The following UBE3B variants were observed in gnomAD, a reference collection of about 807,000 sequenced individuals.
UBE3B encodes the protein ubiquitin-protein ligase E3B.
In UBE3B, 80 loss-of-function variants were observed where a neutral mutation model predicts 132.3. That is an observed-to-expected ratio of 0.60 (90% CI 0.50 to 0.73). The LOEUF is 0.73. Among genes scored for constraint, UBE3B ranks in the 30% least tolerant of loss-of-function variants. The pLI is 0.00. For missense variants in UBE3B, 1,196 were observed against 1,362.5 expected, an observed-to-expected ratio of 0.88 and a Z score of 1.92; for synonymous variants, 487 against 520.4, an observed-to-expected ratio of 0.94 and a Z score of 0.87.
At chr12:109,545,057 CCTCA>C in the UBE3B span, among the ~76,000 whole-genome samples, 52,671 of 151,722 alleles carry the variant, frequency 0.35, 9,413 homozygotes, top group Middle Eastern at 0.41. Flanking sequence ...AGGAAGGTGA[CCTCA>C]CTCACTCACT....
chr12:109,530,184 C>T (rs1316376113), intron 25 of UBE3B, 112 bp downstream of exon 25: 5 of 1,250,882 alleles, frequency 4.0e-6, no homozygotes, highest in Admixed American at 2.1e-5. Flanking sequence ...TCCAGATCTC[C>T]TTCTCCTCCC....
In UBE3B at chr12:109,510,310, C is replaced by T. The variant is rs191861033; in HGVS notation, c.1742-34C>T. On this transcript the variant is annotated intron_variant, in intron 16 of 27. Transcript: ENST00000342494. Reference sequence around the variant, plus strand: ...CTCCCCTTGCTCTCTGGCTCTGACTCCTCCTCTGACTTTCCTGTTTGTTTG... The same window carrying T: ...CTCCCCTTGCTCTCTGGCTCTGACTTCTCCTCTGACTTTCCTGTTTGTTTG... 1.0e-3 allele frequency: 1,598 copies of T among 1,544,560 alleles called. 28 individuals carry two copies. In the Admixed American group the frequency reaches 0.029, roughly 28 times the overall value.
intron 14 of UBE3B, 127 bp downstream of exon 14, chr12:109,503,317 G>T: frequency 7.8e-7 from 1 of 1,274,102 alleles, no homozygotes; most frequent in Non-Finnish European, 1.1e-6. Flanking sequence ...GCATTTTTGA[G>T]CTGTTCCTCT....
Position 109,521,444 on chromosome 12 carries a change from A to G in UBE3B, c.2257A>G (p.Thr753Ala), listed in dbSNP as rs758799716. ...TCCCCGTCTTTTTGCCTTGCAGACA[A>G]CCAGTGGGGATGAGAGGCTGTACCC... ...FDPALNLFKT[T>A]SGDERLYPSP... Residue 753 changes from threonine to alanine, a missense_variant, in exon 21 of 28, where the codon ACC becomes GCC. Physicochemically the swap from Thr to Ala is moderately conservative, Grantham distance 58. Coordinates refer to ENST00000342494, the MANE Select transcript of UBE3B (RefSeq NM_130466.4). This position sits in a 1 kb window ranked among gnomAD's most constrained non-coding sequence, Gnocchi z 4.2. The G allele has an allele frequency of 1.0e-5, 16 of 1,580,670 alleles. No individual in the cohort carries two copies. The highest frequency in any genetic ancestry group is 1.3e-5 in the Non-Finnish European group (15 of 1,157,416).
In UBE3B at chr12:109,530,074, T is replaced by A; in HGVS notation, c.2810+2T>A. The stretch of plus-strand genomic sequence containing the variant: ...TGAGATTGATCTGGAAGATTTAAAG[T>A]AAGAGGCGGGTGGGGGGAAGGGTGA... On this transcript the variant is annotated splice_donor_variant, in intron 25 of 27. Coordinates refer to ENST00000342494, the MANE Select transcript of UBE3B (RefSeq NM_130466.4). LOFTEE classifies it high-confidence loss of function. 1.2e-6 allele frequency: 2 copies of A among 1,610,464 alleles called. No homozygotes were observed. The highest frequency in any genetic ancestry group is 1.7e-6 in the Non-Finnish European group (2 of 1,177,340).
chr12:109,504,950 C>T (rs925703155), intron 14 of UBE3B, among the ~76,000 whole-genome samples: 4 of 151,728 alleles, frequency 2.6e-5, no homozygotes, highest in Admixed American at 1.3e-4. Context: ...GGATTACAGG[C>T]GCCTGCCACC....
chr12:109,487,671 C>T (rs574782044), intron 6 of UBE3B, among the ~76,000 whole-genome samples: 4 of 152,318 alleles, frequency 2.6e-5, no homozygotes, highest in Admixed American at 1.3e-4. Flanking sequence ...CAACAGATTG[C>T]TCTTTGAGGA....
intron 14 of UBE3B, among the ~76,000 whole-genome samples, chr12:109,506,971 G>A (rs1489824405): frequency 1.3e-5 from 2 of 152,208 alleles, no homozygotes; most frequent in Non-Finnish European, 2.9e-5. Context: ...CCTCACTTCA[G>A]TTTTGCCCCT....
intron 5 of UBE3B, 35 bp from the exon 6 acceptor site, chr12:109,486,436 A>G: frequency 1.3e-6 from 2 of 1,523,036 alleles, no homozygotes; most frequent in South Asian, 1.2e-5. Context: ...GATCTCTATA[A>G]CAGCCCATGA....
At chr12:109,489,394 G>A (rs1221797783) in intron 7 of UBE3B, among the ~76,000 whole-genome samples, 1 of 152,178 alleles carries the variant, frequency 6.6e-6, no homozygotes, top group Non-Finnish European at 1.5e-5. Flanking sequence ...TGTGAGCTGA[G>A]AGCTGCAGAG....
At chr12:109,540,638 T>C (rs1233300740), downstream of UBE3B, among the ~76,000 whole-genome samples, 2 of 152,188 alleles carry the variant, frequency 1.3e-5, no homozygotes, top group African/African-American at 4.8e-5. Flanking sequence ...CATGGATGTT[T>C]AAAAAACTCA....
At chr12:109,532,542 G>A (rs1474943478) in intron 26 of UBE3B, among the ~76,000 whole-genome samples, 1 of 152,208 alleles carries the variant, frequency 6.6e-6, no homozygotes, top group Non-Finnish European at 1.5e-5. Flanking sequence ...GTATCCCCTA[G>A]AGAAGGGAGA....
chr12:109,501,663 G>A, intron 13 of UBE3B, 129 bp downstream of exon 13: 2 of 1,169,920 alleles, frequency 1.7e-6, no homozygotes, highest in Non-Finnish European at 1.2e-6. Context: ...TATCGTTCTT[G>A]TTGTTAGAGA....
chr12:109,502,580 C>T (rs2135933770), intron 13 of UBE3B, among the ~76,000 whole-genome samples: 1 of 152,276 alleles, frequency 6.6e-6, no homozygotes, highest in East Asian at 1.9e-4. Flanking sequence ...AGGTTGAAAA[C>T]AAAGGTAGAA....
intron 1 of UBE3B, among the ~76,000 whole-genome samples, chr12:109,480,970 C>T (rs565296787): frequency 1.3e-5 from 2 of 152,158 alleles, no homozygotes; most frequent in South Asian, 4.1e-4. Flanking sequence ...AAGGCATAAA[C>T]GTTTTTCCAT....
chr12:109,486,123 A>G lies in UBE3B; in HGVS notation c.342+52A>G, dbSNP rs186359731. On this transcript the variant is annotated intron_variant, in intron 5 of 27. Transcript: ENST00000342494. ...CCCACAAGCTCTTAAGGGCCAACCTACTGGGCTCTGAAAGTTCCTGTTGAA... is the reference window on the plus strand; with the variant it reads ...CCCACAAGCTCTTAAGGGCCAACCTGCTGGGCTCTGAAAGTTCCTGTTGAA... 94 of 1,534,304 alleles carry G rather than the reference A, an allele frequency of 6.1e-5. No individual in the cohort carries two copies. In the South Asian group the frequency reaches 1.0e-3, roughly 17 times the overall value.
Position 109,516,774 on chromosome 12 carries a change from C to A in UBE3B, c.1966C>A (p.Leu656Met). 1 of 1,614,020 alleles carries A rather than the reference C, an allele frequency of 6.2e-7. No homozygotes were observed. Among genetic ancestry groups the A allele is most frequent in the Non-Finnish European group, 8.5e-7 (1 of 1,179,952 alleles). The change falls in exon 19 of 28, where the codon CTG (leucine) becomes ATG (methionine). Residue 656 changes from leucine to methionine, a missense_variant. Leu to Met is a conservative substitution (Grantham distance 15). Transcript: ENST00000342494. ...CCTTTGTTCATTTTAGAGAGTTCTA[C>A]TGTTTCGAACCATGGTTACCAAGGA... ...HVIPHKNRVL[L>M]FRTMVTKEKE...
chr12:109,524,264 G>A, intron 22 of UBE3B, 149 bp downstream of exon 22: 1 of 1,374,676 alleles, frequency 7.3e-7, no homozygotes, highest in Non-Finnish European at 1.0e-6. Context: ...AGTCCCACTT[G>A]GGGCTGATCC....
At chr12:109,518,538 C>A (rs940710496) in intron 19 of UBE3B, among the ~76,000 whole-genome samples, 5 of 152,190 alleles carry the variant, frequency 3.3e-5, no homozygotes, top group African/African-American at 1.2e-4. Flanking sequence ...TCTAGCACTT[C>A]CCTCTGCAGA....
Sources: gnomAD v4.1 joint callset for allele counts (sites outside exome capture counted in the v4.1 genomes callset) on GRCh38, gnomAD v4.1.1 for gene constraint, Gnocchi (gnomAD v3.1) non-coding constraint, MANE v1.5 for transcripts, NCBI Gene and HGNC (gene_info 2026-07-23, HGNC 2026-07-21) for gene names.